PARP1: variants seen among roughly 807,000 people sequenced by gnomAD.
The protein encoded by PARP1 is poly [ADP-ribose] polymerase 1.
A neutral mutation model predicts 118.7 loss-of-function variants in PARP1; 44 were observed. The observed-to-expected ratio is 0.37, with a 90% CI of 0.29 to 0.48. The LOEUF is 0.48. Ranked by LOEUF, PARP1 falls within the 20% of genes least tolerant of loss-of-function variation. The pLI, the probability that PARP1 is intolerant of heterozygous loss-of-function variation, is 0.99. For missense variants in PARP1, 1,100 were observed against 1,272.4 expected, an observed-to-expected ratio of 0.86 and a Z score of 2.06; for synonymous variants, 492 against 483.2, an observed-to-expected ratio of 1.02 and a Z score of -0.24.
At position 226,379,017 on chromosome 1, in the gene PARP1, C is replaced by T; in HGVS notation, c.1745+125G>A. 1.3e-5 allele frequency: 15 copies of T among 1,166,740 alleles called. No individual in the cohort carries two copies. In the South Asian group the frequency reaches 1.7e-4, roughly 13 times the overall value. 72.3% of individuals were successfully genotyped at this position (1,166,740 alleles called of 1,614,324 possible). Reference sequence around the variant, plus strand: ...AGGCCTTATAATTTGTTTTTGATCTCTGTGATTAGATTTCATTCCCCAGGC... The same window carrying T: ...AGGCCTTATAATTTGTTTTTGATCTTTGTGATTAGATTTCATTCCCCAGGC... On this transcript the variant is annotated intron_variant, in intron 12 of 22. Coordinates refer to ENST00000366794, the MANE Select transcript of PARP1 (RefSeq NM_001618.4).
intron 16 of PARP1, 38 bp downstream of exon 16, chr1:226,368,161 C>G: frequency 6.2e-7 from 1 of 1,613,630 alleles, no homozygotes; most frequent in Non-Finnish European, 8.5e-7. Context: ...ACACCCCAGC[C>G]CAGCAGACCT....
At chr1:226,371,591 C>T (rs563361365) in intron 14 of PARP1, among the ~76,000 whole-genome samples, 3 of 152,224 alleles carry the variant, frequency 2.0e-5, no homozygotes, top group Non-Finnish European at 2.9e-5. Context: ...ATTAAGTAGC[C>T]GGAGCCACAT....
At chr1:226,400,952 G>A (rs1220087009) in intron 2 of PARP1, among the ~76,000 whole-genome samples, 2 of 152,228 alleles carry the variant, frequency 1.3e-5, no homozygotes, top group Non-Finnish European at 2.9e-5. Flanking sequence ...CAGCTTGACA[G>A]CGTATGGCAC....
Position 226,383,074 on chromosome 1 carries a change from G to A in PARP1, c.1121C>T (p.Ala374Val), listed in dbSNP as rs1192794503. The part of the protein sequence containing the change: ...SVAATPPPST[A>V]SAPAAVNSSA... The stretch of plus-strand genomic sequence containing the variant: ...GGAGTTCACAGCAGCAGGAGCCGAG[G>A]CTGTGGAGGGCGGAGGCGTGGCCGC... The change falls in exon 8 of 23, where the codon GCC becomes GTC. Residue 374 changes from alanine to valine, a missense_variant. Coordinates refer to ENST00000366794, the MANE Select transcript of PARP1 (RefSeq NM_001618.4). The A allele has an allele frequency of 1.2e-6, 2 of 1,612,876 alleles. No homozygotes were observed. The highest frequency in any genetic ancestry group is 1.7e-6 in the Non-Finnish European group (2 of 1,180,044).
chr1:226,361,145 C>T lies in PARP1; in HGVS notation c.*315G>A, dbSNP rs1050242658. Reference sequence around the variant, plus strand: ...GAAACCAGTAAGGCAGACATTCTAACGAAGCTTGGTTTTTTCCATAGGACT... The same window carrying T: ...GAAACCAGTAAGGCAGACATTCTAATGAAGCTTGGTTTTTTCCATAGGACT... On this transcript the variant is annotated 3_prime_UTR_variant, in exon 23 of 23. Coordinates refer to ENST00000366794, the MANE Select transcript of PARP1 (RefSeq NM_001618.4). 8 of 413,858 alleles carry T rather than the reference C, an allele frequency of 1.9e-5. No individual in the cohort carries two copies. Among genetic ancestry groups the T allele is most frequent in the Admixed American group, 4.0e-5 (1 of 25,244 alleles). 25.6% of individuals were successfully genotyped at this position (413,858 alleles called of 1,614,324 possible). A position where few individuals can be genotyped will look rare whatever the true frequency, so the allele number is the denominator to read the frequency against.
chr1:226,406,980 C>G (rs1164753553), intron 1 of PARP1, among the ~76,000 whole-genome samples: 1 of 152,158 alleles, frequency 6.6e-6, no homozygotes, highest in African/African-American at 2.4e-5. Context: ...AGGAACAGGG[C>G]AGATGAGAAC....
rs754194824 is a variant in PARP1 at position 226,366,034 on chromosome 1, C to T, written c.2425G>A (p.Glu809Lys). ...TDIKVVDRDS[E>K]EAEIIRKYVK... ...TACTTCCTGATGATCTCGGCTTCTT[C>T]AGAATCTCTGTCAACCACCTGGATA... Residue 809 changes from glutamate to lysine, a missense_variant, in exon 18 of 23, where the codon GAA becomes AAA. Transcript: ENST00000366794. The T allele has an allele frequency of 4.0e-5, 65 of 1,612,634 alleles. No homozygotes were observed. The highest frequency in any genetic ancestry group is 3.8e-4 in the East Asian group (17 of 44,882).
rs765820369 is a variant in PARP1, at chr1:226,390,504, C to T, written c.523G>A (p.Glu175Lys). 17 of 1,614,082 alleles carry T rather than the reference C, an allele frequency of 1.1e-5. No individual in the cohort carries two copies. The highest frequency in any genetic ancestry group is 4.4e-5 in the South Asian group (4 of 91,088). The part of the protein sequence containing the change: ...KNREELGFRP[E>K]YSASQLKGFS... ...CCCTTGAGCTGACTCGCACTGTACT[C>T]GGGCCGGAAACCCAGCTCCTCCCTG... Residue 175 changes from glutamate (E) to lysine (K), a missense_variant, in exon 4 of 23, where the codon GAG becomes AAG. Physicochemically the swap from Glu to Lys is moderately conservative, Grantham distance 56. Around this residue, in one of 2 missense-constraint regions of PARP1, gnomAD observed 948 missense variants for 1,031.8 expected, o/e 0.92. Coordinates refer to ENST00000366794, the MANE Select transcript of PARP1 (RefSeq NM_001618.4).
intron 4 of PARP1, among the ~76,000 whole-genome samples, chr1:226,389,135 G>C (rs749986102): frequency 1.4e-4 from 22 of 152,124 alleles, no homozygotes; most frequent in Admixed American, 1.0e-3. Context: ...GACTAGGCTA[G>C]AGGTAAGCCC....
In PARP1 at chr1:226,379,204, G is replaced by C; in HGVS notation, c.1683C>G (p.Asp561Glu). The C allele has an allele frequency of 6.2e-7, 1 of 1,614,192 alleles. No homozygotes were observed. Residue 561 changes from aspartate (D) to glutamate (E), a missense_variant, in exon 12 of 23, where the codon GAC (aspartate) becomes GAG (glutamate). Coordinates refer to ENST00000366794, the MANE Select transcript of PARP1 (RefSeq NM_001618.4). ...AGTAGGAGTTGGTTCCTTTAACGATGTCCACCAGGCCAAGGGTGGCACTGA... is the reference window on the plus strand; with the variant it reads ...AGTAGGAGTTGGTTCCTTTAACGATCTCCACCAGGCCAAGGGTGGCACTGA... ...KVFSATLGLV[D>E]IVKGTNSYYK...
At chr1:226,385,294 C>CCTCT (rs1295413177) in intron 7 of PARP1, among the ~76,000 whole-genome samples, 1 of 152,188 alleles carries the variant, frequency 6.6e-6, no homozygotes, top group African/African-American at 2.4e-5. Context: ...ACCAAATGGA[C>CCTCT]CTCTACTCCA....
At chr1:226,384,462 AC>A (rs2102737973) in intron 7 of PARP1, among the ~76,000 whole-genome samples, 1 of 152,384 alleles carries the variant, frequency 6.6e-6, no homozygotes, top group South Asian at 2.1e-4. Flanking sequence ...CATGCACATA[AC>A]CTTTAAAAAT....
chr1:226,361,248 C>T lies in PARP1; in HGVS notation c.*212G>A. On this transcript the variant is annotated 3_prime_UTR_variant, in exon 23 of 23. Transcript: ENST00000366794. ...ACCTGGCAAGAAAAAACAAAAACAA[C>T]CCCAAAACAACCCCTCCCCACAGAC... 1.6e-6 allele frequency: 1 copy of T among 611,300 alleles called. No homozygotes were observed. Among genetic ancestry groups the T allele is most frequent in the African/African-American group, 1.9e-5 (1 of 54,000 alleles). 37.9% of individuals were successfully genotyped at this position (611,300 alleles called of 1,614,324 possible).
chr1:226,405,872 T>C (rs558308536), intron 1 of PARP1, among the ~76,000 whole-genome samples: 2 of 152,050 alleles, frequency 1.3e-5, no homozygotes, highest in Non-Finnish European at 2.9e-5. Context: ...CCCTAGCACT[T>C]TGTGGGGCCG....
chr1:226,381,758 G>A (rs778262385), intron 8 of PARP1, among the ~76,000 whole-genome samples: 3 of 152,230 alleles, frequency 2.0e-5, no homozygotes, highest in Non-Finnish European at 4.4e-5. Context: ...AGGCCAGAAA[G>A]GCCTGGACAG....
chr1:226,368,097 G>A, intron 16 of PARP1, 102 bp downstream of exon 16: 1 of 1,505,880 alleles, frequency 6.6e-7, no homozygotes, highest in East Asian at 2.3e-5. Context: ...GGCCCTCCCA[G>A]CATTGGTGCT....
intron 19 of PARP1, among the ~76,000 whole-genome samples, chr1:226,364,621 C>A (rs976855797): frequency 6.6e-6 from 1 of 152,224 alleles, no homozygotes; most frequent in Non-Finnish European, 1.5e-5. Context: ...CACGATCCCT[C>A]GTGTCTAGGT....
intron 13 of PARP1, among the ~76,000 whole-genome samples, chr1:226,375,607 G>T (rs1173564391): frequency 6.6e-6 from 1 of 152,158 alleles, no homozygotes; most frequent in East Asian, 1.9e-4. Context: ...ACTTAGTAGA[G>T]AAAAAACTAA....
intron 12 of PARP1, among the ~76,000 whole-genome samples, chr1:226,378,073 A>G (rs1664529449): frequency 6.6e-6 from 1 of 152,090 alleles, no homozygotes; most frequent in Non-Finnish European, 1.5e-5. Flanking sequence ...TTCCTGTGAA[A>G]ATTTTTGAGA....
Sources: allele counts gnomAD v4.1 joint callset (sites outside exome capture counted in the v4.1 genomes callset), GRCh38; gene constraint gnomAD v4.1.1; regional missense constraint gnomAD v4.1.1; transcripts MANE v1.5; gene names NCBI Gene and HGNC (gene_info 2026-07-23, HGNC 2026-07-21).